The following UTP6 variants were observed in gnomAD, a reference collection of about 807,000 sequenced individuals.
UTP6 encodes U3 small nucleolar RNA-associated protein 6 homolog.
Under a neutral mutation model 96.5 loss-of-function variants are expected in UTP6, and 60 were observed. The observed-to-expected ratio is 0.62, with a 90% CI of 0.51 to 0.77. The LOEUF (loss-of-function observed/expected upper bound fraction) is 0.77. Ranked by LOEUF, UTP6 falls within the 30% of genes least tolerant of loss-of-function variation. The pLI is 0.00. For missense variants in UTP6, 637 were observed against 706.5 expected (o/e 0.90, Z 1.12); for synonymous variants, 215 against 240.1 (o/e 0.90, Z 0.96).
At chr17:31,894,363 TTACAAATATA>T (rs777042677) in intron 4 of UTP6, among the ~76,000 whole-genome samples, 8 of 152,014 alleles carry the variant, frequency 5.3e-5, no homozygotes, top group Admixed American at 1.3e-4. Context: ...TTCAGTGTAC[TTACAAATATA>T]TACAAATATC....
In UTP6 at chr17:31,885,883, C is replaced by T. The variant is rs1488407165; in HGVS notation, c.703+97G>A. ...GACACTATTCCTACAGAGTTTTATACACATTCTAATGGAAAATTTCAAAAC... is the reference window on the plus strand; with the variant it reads ...GACACTATTCCTACAGAGTTTTATATACATTCTAATGGAAAATTTCAAAAC... On this transcript the variant is annotated intron_variant, in intron 9 of 18. Coordinates refer to ENST00000261708, the MANE Select transcript of UTP6 (RefSeq NM_018428.3). The T allele has an allele frequency of 1.5e-5, 16 of 1,038,356 alleles. No homozygotes were observed. In the South Asian group the frequency reaches 2.4e-4, roughly 16 times the overall value. The allele number at this position is 1,038,356 out of a possible 1,614,324, so 64.3% of individuals were successfully genotyped here. A position where few individuals can be genotyped will look rare whatever the true frequency, so the allele number is the denominator to read the frequency against.
intron 4 of UTP6, among the ~76,000 whole-genome samples, chr17:31,894,026 TG>T (rs1181960622): frequency 6.6e-6 from 1 of 151,770 alleles, no homozygotes; most frequent in Admixed American, 6.6e-5. Context: ...CCCAGCACTT[TG>T]GGAGGCTGAG....
chr17:31,899,626 A>G lies in UTP6; in HGVS notation c.177+20T>C. The G allele has an allele frequency of 1.3e-6, 2 of 1,547,078 alleles. No homozygotes were observed. The highest frequency in any genetic ancestry group is 1.7e-6 in the Non-Finnish European group (2 of 1,148,384). On this transcript the variant is annotated intron_variant, in intron 2 of 18. Coordinates refer to ENST00000261708, the MANE Select transcript of UTP6 (RefSeq NM_018428.3). ...AAACAAAAAAGAAAAAAAGAAAGAA[A>G]TTATTAATTACACACTTACTTGAAC...
rs780361250 is a variant in UTP6, at chr17:31,868,026, T to C, written c.1563+20A>G. ...CTAATCCATTTTCCCAGACAAGAAATGCTGAAACAGAACACTTACTTGCTC... is the reference window on the plus strand; with the variant it reads ...CTAATCCATTTTCCCAGACAAGAAACGCTGAAACAGAACACTTACTTGCTC... On this transcript the variant is annotated intron_variant, in intron 17 of 18. Coordinates refer to ENST00000261708, the MANE Select transcript of UTP6 (RefSeq NM_018428.3). The C allele has an allele frequency of 1.4e-5, 22 of 1,608,426 alleles. No homozygotes were observed. The highest frequency in any genetic ancestry group is 1.7e-4 in the Middle Eastern group (1 of 6,058).
At chr17:31,880,858 G>GTAAC (rs1910790631) in intron 10 of UTP6, 104 bp from the exon 11 acceptor site, 1 of 1,467,734 alleles carries the variant, frequency 6.8e-7, no homozygotes, top group Non-Finnish European at 9.3e-7. Flanking sequence ...GGACATCCCT[G>GTAAC]TAACAACTGC....
Position 31,872,780 on chromosome 17 carries a change from C to G in UTP6, c.1496+598G>C, listed in dbSNP as rs1041636287. ...CTTTGAGAGGCCAAGACAAGCAAATCACTTGAGATCAGCAGTTCGAGACCA... is the reference window on the plus strand; with the variant it reads ...CTTTGAGAGGCCAAGACAAGCAAATGACTTGAGATCAGCAGTTCGAGACCA... On this transcript the variant is annotated intron_variant, in intron 16 of 18. Transcript: ENST00000261708. Among the ~76,000 whole-genome samples, 4 of 152,206 alleles carry G rather than the reference C, an allele frequency of 2.6e-5. No homozygotes were observed. The East Asian group carries it at 5.8e-4, about 22-fold the overall frequency.
At chr17:31,871,070 A>C (rs1910144914) in intron 16 of UTP6, among the ~76,000 whole-genome samples, 1 of 149,918 alleles carries the variant, frequency 6.7e-6, no homozygotes, top group Non-Finnish European at 1.5e-5. Context: ...GCTCACTGAA[A>C]GCTCCGCCTC....
intron 8 of UTP6, 26 bp from the exon 9 acceptor site, chr17:31,886,087 C>T (rs755675810): frequency 9.4e-6 from 15 of 1,597,648 alleles, no homozygotes; most frequent in Non-Finnish European, 3.4e-6. Flanking sequence ...TCAAACGTAA[C>T]TTAACAGGTA....
intron 17 of UTP6, among the ~76,000 whole-genome samples, chr17:31,866,206 G>A (rs1909803679): frequency 6.8e-6 from 1 of 147,092 alleles, no homozygotes; most frequent in South Asian, 2.1e-4. Flanking sequence ...AGAACGGCGT[G>A]AACCTAGGAG....
intron 16 of UTP6, among the ~76,000 whole-genome samples, chr17:31,871,454 T>C (rs1456445430): frequency 6.6e-6 from 1 of 152,116 alleles, no homozygotes; most frequent in Non-Finnish European, 1.5e-5. Context: ...ATGATGTTTA[T>C]AAAGAATTTT....
At position 31,863,063 on chromosome 17, in the gene UTP6, C is replaced by A. The variant is rs1909612279; in HGVS notation, c.*296G>T. The A allele has an allele frequency of 3.4e-6, 1 of 297,810 alleles. No homozygotes were observed. The highest frequency in any genetic ancestry group is 6.2e-6 in the Non-Finnish European group (1 of 160,164). 18.4% of individuals were successfully genotyped at this position (297,810 alleles called of 1,614,324 possible). A position where few individuals can be genotyped will look rare whatever the true frequency, so the allele number is the denominator to read the frequency against. ...ACTGGAATCAGATTAGCACATCAAACTGAGCAGTGTCATGCACCTATAATC... is the reference window on the plus strand; with the variant it reads ...ACTGGAATCAGATTAGCACATCAAAATGAGCAGTGTCATGCACCTATAATC... On this transcript the variant is annotated 3_prime_UTR_variant, in exon 19 of 19. Coordinates refer to ENST00000261708, the MANE Select transcript of UTP6 (RefSeq NM_018428.3).
In UTP6 at chr17:31,899,672, T is replaced by C. The variant is rs377073088; in HGVS notation, c.151A>G (p.Lys51Glu). 1.6e-5 allele frequency: 26 copies of C among 1,605,444 alleles called. 1 individual carries two copies. In the African/African-American group the frequency reaches 3.2e-4, roughly 20 times the overall value. ...EYKIQRRTLF[K>E]EDFINYVQYE... ...TGAACATAATTGATAAAGTCTTCCT[T>C]GAAAAGGGTTCTTCTCTGGATTTTG... The change falls in exon 2 of 19, where the codon AAG (lysine) becomes GAG (glutamate). Residue 51 changes from lysine (K) to glutamate (E), a missense_variant. Physicochemically the swap from Lys to Glu is moderately conservative, Grantham distance 56. Transcript: ENST00000261708.
In UTP6 at chr17:31,875,418, A is replaced by T. The variant is rs747513384; in HGVS notation, c.1126-5T>A. ...ATAACACAGCAACGAAACACTCTAG[A>T]CAAGATGAAGGATGACTGGAAAATT... On this transcript the variant is annotated splice_region_variant and splice_polypyrimidine_tract_variant and intron_variant, in intron 13 of 18. Transcript: ENST00000261708. The T allele has an allele frequency of 1.6e-5, 25 of 1,611,008 alleles. No homozygotes were observed. In the South Asian group the frequency reaches 2.4e-4, roughly 16 times the overall value.
At chr17:31,894,131 C>T (rs1342635817) in intron 4 of UTP6, among the ~76,000 whole-genome samples, 4 of 151,296 alleles carry the variant, frequency 2.6e-5, no homozygotes, top group Non-Finnish European at 4.4e-5. Flanking sequence ...TAGCCAGGCA[C>T]GGTGGCATGC....
At chr17:31,876,272 G>T (rs181220719) in intron 13 of UTP6, among the ~76,000 whole-genome samples, 1 of 151,404 alleles carries the variant, frequency 6.6e-6, no homozygotes, top group South Asian at 2.1e-4. Flanking sequence ...CCTGACCTCA[G>T]ATGATCCACC....
chr17:31,881,947 A>G (rs1910867339), intron 10 of UTP6, among the ~76,000 whole-genome samples: 1 of 152,084 alleles, frequency 6.6e-6, no homozygotes, highest in South Asian at 2.1e-4. Context: ...TCCATCCCAA[A>G]GTGTTGGGAT....
chr17:31,875,428 G>T lies in UTP6; in HGVS notation c.1126-15C>A. Reference sequence around the variant, plus strand: ...AACGAAACACTCTAGACAAGATGAAGGATGACTGGAAAATTAATTACTGAA... The same window carrying T: ...AACGAAACACTCTAGACAAGATGAATGATGACTGGAAAATTAATTACTGAA... On this transcript the variant is annotated splice_polypyrimidine_tract_variant and intron_variant, in intron 13 of 18. Coordinates refer to ENST00000261708, the MANE Select transcript of UTP6 (RefSeq NM_018428.3). 1.2e-6 allele frequency: 2 copies of T among 1,604,552 alleles called. No individual in the cohort carries two copies. The highest frequency in any genetic ancestry group is 4.5e-5 in the East Asian group (2 of 44,718).
chr17:31,862,936 G>C lies in UTP6; in HGVS notation c.*423C>G, dbSNP rs1180427208. On this transcript the variant is annotated 3_prime_UTR_variant, in exon 19 of 19. Transcript: ENST00000261708. ...TTAGAGATACTCATGCTTGACCTGG[G>C]ATAATTTTAAAAAAACCCAGTCGTA... The C allele has an allele frequency of 1.3e-5, 2 of 157,666 alleles. No homozygotes were observed. The highest frequency in any genetic ancestry group is 4.8e-5 in the African/African-American group (2 of 41,468). 9.8% of individuals were successfully genotyped at this position (157,666 alleles called of 1,614,324 possible). A position where few individuals can be genotyped will look rare whatever the true frequency, so the allele number is the denominator to read the frequency against.
At position 31,892,248 on chromosome 17, in the gene UTP6, A is replaced by G. The variant is rs150325447; in HGVS notation, c.424+12T>C. 3.1e-6 allele frequency: 5 copies of G among 1,613,860 alleles called. No individual in the cohort carries two copies. The African/African-American group carries it at 6.7e-5, about 21-fold the overall frequency. On this transcript the variant is annotated intron_variant, in intron 6 of 18. Coordinates refer to ENST00000261708, the MANE Select transcript of UTP6 (RefSeq NM_018428.3). The stretch of plus-strand genomic sequence containing the variant: ...ATAAAACATAGAAAAATTGACAAAG[A>G]TTTCACCATACCTGGTTTGTTGGAA...
Sources: gnomAD v4.1 joint callset for allele counts (sites outside exome capture counted in the v4.1 genomes callset) on GRCh38, gnomAD v4.1.1 for gene constraint, MANE v1.5 for transcripts, NCBI Gene and HGNC (gene_info 2026-07-23, HGNC 2026-07-21) for gene names.